POLR1A: variants seen among roughly 807,000 people sequenced by gnomAD.
POLR1A encodes the protein DNA-directed RNA polymerase I subunit RPA1.
POLR1A carries 84 observed loss-of-function variants against 205.3 expected under a neutral mutation model. The ratio of observed to expected loss-of-function variants is 0.41; its 90% CI spans 0.34 to 0.49. POLR1A has a LOEUF of 0.49. Ranked by LOEUF, POLR1A falls within the 20% of genes least tolerant of loss-of-function variation. POLR1A has a pLI of 0.22. For synonymous variants in POLR1A, 799 were observed against 863.7 expected (o/e 0.93, Z 1.31); for missense variants, 1,645 against 2,204.5 (o/e 0.75, Z 5.08).
At chr2:86,099,590 C>G (rs1048094768) in intron 2 of POLR1A, among the ~76,000 whole-genome samples, 2 of 152,010 alleles carry the variant, frequency 1.3e-5, no homozygotes, top group Non-Finnish European at 2.9e-5. Context: ...ATAGAGACAC[C>G]TGAAGGGCTC....
At chr2:86,038,941 T>C (rs991185129) in intron 26 of POLR1A, 84 bp from the exon 27 acceptor site, 2 of 1,260,936 alleles carry the variant, frequency 1.6e-6, no homozygotes, top group African/African-American at 2.9e-5. Flanking sequence ...GACCCAAGGG[T>C]TTACAGAGAT....
rs1403822835 is a variant in POLR1A, at chr2:86,052,836, G to A, written c.2373C>T (p.Leu791=). 2.5e-6 allele frequency: 4 copies of A among 1,578,582 alleles called. No individual in the cohort carries two copies. The highest frequency in any genetic ancestry group is 3.4e-6 in the Non-Finnish European group (4 of 1,161,630). Reference sequence around the variant, plus strand: ...ACTTACCCAAGGTGAAGCCTCTGTAGAGCTGCAGGTAGGCGGTGAAGAGGC... The same window carrying A: ...ACTTACCCAAGGTGAAGCCTCTGTAAAGCTGCAGGTAGGCGGTGAAGAGGC... The part of the protein sequence containing the change: ...LARLFTAYLQ[L]YRGFTLGVED... The change falls in exon 16 of 34, where the codon CTC becomes CTT. Residue 791 remains leucine (L), a synonymous_variant. Transcript: ENST00000263857.
chr2:86,083,216 C>T (rs752949661), intron 6 of POLR1A, 48 bp from the exon 7 acceptor site: 4 of 1,284,074 alleles, frequency 3.1e-6, no homozygotes, highest in South Asian at 1.2e-5. Flanking sequence ...GAAACAGGTA[C>T]TCTTTCTGCA....
At position 86,024,888 on chromosome 2, in the gene POLR1A, G is replaced by C. The variant is rs889298327; in HGVS notation, c.*2535C>G. 6.6e-6 allele frequency: 1 copy of C among 152,242 alleles called. No homozygotes were observed. The highest frequency in any genetic ancestry group is 2.4e-5 in the African/African-American group (1 of 41,446). The allele number at this position is 152,242 out of a possible 1,614,324, so 9.4% of individuals were successfully genotyped here. On this transcript the variant is annotated 3_prime_UTR_variant, in exon 34 of 34. Coordinates refer to ENST00000263857, the MANE Select transcript of POLR1A (RefSeq NM_015425.6). ...ACAGTAGCTCACGCCTGTAAACCCA[G>C]CACTTTGGGAGGCTGAGGCAGGCGG... is the stretch of plus-strand genomic sequence containing the variant.
chr2:86,103,710 C>T (rs893758633), intron 1 of POLR1A, among the ~76,000 whole-genome samples: 55 of 152,130 alleles, frequency 3.6e-4, no homozygotes, highest in African/African-American at 1.3e-3. Flanking sequence ...GGATAAAAGA[C>T]AAGAGTGACA....
chr2:86,063,192 G>A lies in POLR1A; in HGVS notation c.2058+2082C>T, dbSNP rs189537203. 1.3e-4 allele frequency among the ~76,000 whole-genome samples: 20 copies of A among 151,784 alleles called. 1 individual carries two copies. The East Asian group carries it at 2.3e-3, about 18-fold the overall frequency. ...CTCTACTAAAAATACAAAATTAGCC[G>A]GGCATGGTGGCGCATGCTTGTAATC... On this transcript the variant is annotated intron_variant, in intron 14 of 33. Transcript: ENST00000263857.
intron 14 of POLR1A, among the ~76,000 whole-genome samples, chr2:86,058,387 C>A (rs1276224007): frequency 6.7e-6 from 1 of 148,368 alleles, no homozygotes; most frequent in African/African-American, 2.5e-5. Flanking sequence ...GTGTGAGCCA[C>A]CTCACCCAGC....
intron 13 of POLR1A, among the ~76,000 whole-genome samples, chr2:86,066,249 G>A (rs1208540493): frequency 6.6e-6 from 1 of 152,146 alleles, no homozygotes; most frequent in Admixed American, 6.5e-5. Context: ...GACTGCAGAA[G>A]GGAGAATAGC....
intron 14 of POLR1A, among the ~76,000 whole-genome samples, chr2:86,058,343 G>T (rs868537053): frequency 2.2e-4 from 33 of 150,670 alleles, no homozygotes; most frequent in Admixed American, 1.6e-3. Context: ...TCGTGATCCG[G>T]CCGCCTTGGC....
At position 86,020,905 on chromosome 2, in the gene POLR1A, T is replaced by G. The variant is rs1690121511; in HGVS notation, c.*6518A>C. On this transcript the variant is annotated 3_prime_UTR_variant, in exon 34 of 34. Coordinates refer to ENST00000263857, the MANE Select transcript of POLR1A (RefSeq NM_015425.6). ...GTAAACATGTATAGTTGTGTGCAAT[T>G]TAATGAACACAATTAATTTTACCAC... The G allele has an allele frequency of 6.6e-6, 1 of 152,124 alleles. No individual in the cohort carries two copies. The highest frequency in any genetic ancestry group is 1.9e-4 in the East Asian group (1 of 5,202). 9.4% of individuals were successfully genotyped at this position (152,124 alleles called of 1,614,324 possible). A position where few individuals can be genotyped will look rare whatever the true frequency, so the allele number is the denominator to read the frequency against.
intron 18 of POLR1A, among the ~76,000 whole-genome samples, chr2:86,048,602 T>G (rs1479928704): frequency 6.6e-6 from 1 of 152,182 alleles, no homozygotes; most frequent in African/African-American, 2.4e-5. Context: ...TTCAGCCCCT[T>G]TAATGCAGTC....
chr2:86,041,798 C>A, intron 24 of POLR1A, 91 bp downstream of exon 24: 3 of 1,136,740 alleles, frequency 2.6e-6, no homozygotes, highest in Non-Finnish European at 3.9e-6. Context: ...GGAGGCAGCC[C>A]TCTTCCGGAG....
intron 14 of POLR1A, among the ~76,000 whole-genome samples, chr2:86,060,152 A>G (rs917724367): frequency 1.3e-5 from 2 of 152,238 alleles, no homozygotes; most frequent in African/African-American, 4.8e-5. Context: ...GAAAAGATGT[A>G]TAAGGCTTTT....
chr2:86,091,969 G>C (rs2104430658), intron 3 of POLR1A, among the ~76,000 whole-genome samples: 1 of 152,182 alleles, frequency 6.6e-6, no homozygotes, highest in Middle Eastern at 3.4e-3. Flanking sequence ...CAAAAAATTA[G>C]CTGGGCATGG....
At chr2:86,036,126 T>C (rs1672490574) in intron 27 of POLR1A, among the ~76,000 whole-genome samples, 1 of 152,202 alleles carries the variant, frequency 6.6e-6, no homozygotes, top group South Asian at 2.1e-4. Flanking sequence ...ACAGAGCACA[T>C]GACCCCTGGC....
chr2:86,078,850 G>GA (rs1217459356), intron 9 of POLR1A, among the ~76,000 whole-genome samples: 1 of 152,202 alleles, frequency 6.6e-6, no homozygotes, highest in African/African-American at 2.4e-5. Flanking sequence ...AGTCTCATTG[G>GA]AATATTTAAC....
chr2:86,055,487 C>T (rs996204299), intron 14 of POLR1A, among the ~76,000 whole-genome samples: 4 of 152,304 alleles, frequency 2.6e-5, no homozygotes, highest in Non-Finnish European at 5.9e-5. Flanking sequence ...CCATAGAAGG[C>T]CAGCACTGTG....
rs1017330689 is a variant in POLR1A, at chr2:86,022,140, A to T, written c.*5283T>A. The T allele has an allele frequency of 6.6e-6, 1 of 152,268 alleles. No homozygotes were observed. Among genetic ancestry groups the T allele is most frequent in the Admixed American group, 6.5e-5 (1 of 15,290 alleles). 9.4% of individuals were successfully genotyped at this position (152,268 alleles called of 1,614,324 possible). ...GCTTGTAGGAAACGCTGGCTGGCTG[A>T]GTTCCCTCCTTCTGCCCCTGCTGGA... On this transcript the variant is annotated 3_prime_UTR_variant, in exon 34 of 34. Transcript: ENST00000263857.
rs369599873 is a variant in POLR1A at position 86,077,948 on chromosome 2, G to A, written c.1291C>T (p.His431Tyr). The A allele has an allele frequency of 1.9e-6, 3 of 1,613,974 alleles. No homozygotes were observed. The African/African-American group carries it at 4.0e-5, about 22-fold the overall frequency. ...TAGTCCACTCGCTTTCCCATCATGT[G>A]TTTTCGGAACAGGCCTTCTTTCTTC... ...LEKKEGLFRK[H>Y]MMGKRVDYAA... Residue 431 changes from histidine (H) to tyrosine (Y), a missense_variant, in exon 11 of 34, where the codon CAC becomes TAC. Around this residue, in one of 16 missense-constraint regions of POLR1A, gnomAD observed 131 missense variants for 214.5 expected, o/e 0.61. Coordinates refer to ENST00000263857, the MANE Select transcript of POLR1A (RefSeq NM_015425.6).
Sources: allele counts gnomAD v4.1 joint callset (sites outside exome capture counted in the v4.1 genomes callset), GRCh38; gene constraint gnomAD v4.1.1; regional missense constraint gnomAD v4.1.1; transcripts MANE v1.5; gene names NCBI Gene and HGNC (gene_info 2026-07-23, HGNC 2026-07-21).